STK32B: variants seen among roughly 807,000 people sequenced by gnomAD.
The protein encoded by STK32B is serine/threonine-protein kinase 32B.
STK32B carries 43 observed loss-of-function variants against 52.6 expected under a neutral mutation model. The ratio of observed to expected loss-of-function variants is 0.82; its 90% CI spans 0.64 to 1.05. The LOEUF (loss-of-function observed/expected upper bound fraction) is 1.05. Ranked by LOEUF, STK32B falls within the 50% of genes least tolerant of loss-of-function variation. STK32B has a pLI of 0.00. For missense variants in STK32B, 621 were observed against 534.6 expected (o/e 1.16, Z -1.59); for synonymous variants, 238 against 204.3 (o/e 1.17, Z -1.41).
chr4:5,271,246 T>A (rs1008638040), intron 3 of STK32B, among the ~76,000 whole-genome samples: 2 of 152,184 alleles, frequency 1.3e-5, no homozygotes, highest in African/African-American at 2.4e-5. Flanking sequence ...CTGAGTTTTT[T>A]AAGTATCTTT....
At chr4:5,498,836 AG>A in intron 11 of STK32B, 108 bp from the exon 12 acceptor site, 1 of 1,408,038 alleles carries the variant, frequency 7.1e-7, no homozygotes. Context: ...AGGTAGGGGA[AG>A]GTTTGAGCTG....
intron 1 of STK32B, among the ~76,000 whole-genome samples, chr4:5,068,872 C>G (rs373000043): frequency 6.6e-6 from 1 of 152,062 alleles, no homozygotes; most frequent in African/African-American, 2.4e-5. Context: ...TTTTCATTAA[C>G]GTATTCATTA....
chr4:5,147,847 T>G (rs1424420024), intron 2 of STK32B, among the ~76,000 whole-genome samples: 1 of 151,992 alleles, frequency 6.6e-6, no homozygotes, highest in Admixed American at 6.5e-5. Flanking sequence ...TACATCACAT[T>G]CATAAGGAAT....
At chr4:5,242,863 G>A (rs1035956711) in intron 3 of STK32B, among the ~76,000 whole-genome samples, 1 of 152,128 alleles carries the variant, frequency 6.6e-6, no homozygotes, top group Non-Finnish European at 1.5e-5. Flanking sequence ...GTTTTTCTCA[G>A]GTTTGTCAAA....
chr4:5,311,550 A>C (rs182511560), intron 3 of STK32B, among the ~76,000 whole-genome samples: 4 of 152,258 alleles, frequency 2.6e-5, no homozygotes, highest in Admixed American at 1.3e-4. Context: ...AAGACTGACA[A>C]ACATAAAATG....
chr4:5,140,065 T>G, intron 2 of STK32B, 105 bp downstream of exon 2: 1 of 1,513,598 alleles, frequency 6.6e-7, no homozygotes, highest in Non-Finnish European at 9.2e-7. Flanking sequence ...GACAGTAAGA[T>G]TTCGACTTGA....
chr4:5,227,067 A>G (rs547877822), intron 3 of STK32B, among the ~76,000 whole-genome samples: 11 of 152,334 alleles, frequency 7.2e-5, no homozygotes, highest in African/African-American at 1.7e-4. Flanking sequence ...TTCAATTGCA[A>G]TGTCATGTTT....
At chr4:5,189,121 T>A (rs546835180) in intron 3 of STK32B, among the ~76,000 whole-genome samples, 1 of 152,082 alleles carries the variant, frequency 6.6e-6, no homozygotes, top group South Asian at 2.1e-4. Flanking sequence ...ACCACAGTGG[T>A]ATAATTTTTA....
At chr4:5,204,790 A>G (rs16836832) in intron 3 of STK32B, among the ~76,000 whole-genome samples, 8,985 of 152,164 alleles carry the variant, frequency 0.059, 651 homozygotes, top group African/African-American at 0.17. Flanking sequence ...TAAGCAAAAT[A>G]TAGTCTCAGC....
intron 3 of STK32B, among the ~76,000 whole-genome samples, chr4:5,321,240 CAT>C (rs1357841284): frequency 6.6e-6 from 1 of 151,974 alleles, no homozygotes; most frequent in African/African-American, 2.4e-5. Flanking sequence ...AAAGAGCTCA[CAT>C]AGAGCAAGGA....
the STK32B span, among the ~76,000 whole-genome samples, chr4:5,036,659 ATTTTTTTTT>A: frequency 0.023 from 1,708 of 74,292 alleles, 35 homozygotes; most frequent in Admixed American, 0.042. Context: ...GCAAGGGTGG[ATTTTTTTTT>A]TTTTTTTTTT....
intron 1 of STK32B, among the ~76,000 whole-genome samples, chr4:5,069,855 T>A (rs545684671): frequency 6.6e-6 from 1 of 152,310 alleles, no homozygotes; most frequent in South Asian, 2.1e-4. Flanking sequence ...CTATGTTACC[T>A]TGGGCCAACT....
At chr4:5,493,597 T>C (rs1719938623) in intron 11 of STK32B, among the ~76,000 whole-genome samples, 2 of 152,220 alleles carry the variant, frequency 1.3e-5, no homozygotes, top group South Asian at 4.1e-4. Context: ...GCTCTGATTT[T>C]AGTTATTTCT....
intron 3 of STK32B, among the ~76,000 whole-genome samples, chr4:5,246,474 C>T (rs1352108971): frequency 6.6e-6 from 1 of 152,172 alleles, no homozygotes; most frequent in African/African-American, 2.4e-5. Flanking sequence ...ATCCATTTGT[C>T]TAACTTTTTT....
chr4:5,241,669 G>A (rs906226599), intron 3 of STK32B, among the ~76,000 whole-genome samples: 5 of 151,922 alleles, frequency 3.3e-5, no homozygotes, highest in African/African-American at 9.7e-5. Flanking sequence ...TTGGTGTGCT[G>A]CACCCATTAA....
intron 3 of STK32B, among the ~76,000 whole-genome samples, chr4:5,315,660 A>G (rs1730622613): frequency 6.6e-6 from 1 of 150,386 alleles, no homozygotes. Context: ...GCAATTCTTG[A>G]GTATTTTTTC....
At chr4:5,301,162 T>A (rs778114464) in intron 3 of STK32B, among the ~76,000 whole-genome samples, 1 of 152,130 alleles carries the variant, frequency 6.6e-6, no homozygotes, top group Non-Finnish European at 1.5e-5. Context: ...CTTGTATATG[T>A]TGCTGGATTC....
chr4:5,414,875 C>T (rs1712023832), intron 5 of STK32B, among the ~76,000 whole-genome samples: 1 of 152,164 alleles, frequency 6.6e-6, no homozygotes, highest in South Asian at 2.1e-4. Flanking sequence ...GCATCACTTT[C>T]ATAATGAAAA....
At chr4:5,189,774 G>A (rs1721035801) in intron 3 of STK32B, among the ~76,000 whole-genome samples, 1 of 152,108 alleles carries the variant, frequency 6.6e-6, no homozygotes, top group Non-Finnish European at 1.5e-5. Context: ...ATTCCCACCA[G>A]GGAGGAATGA....
Sources: allele counts gnomAD v4.1 joint callset (sites outside exome capture counted in the v4.1 genomes callset), GRCh38; gene constraint gnomAD v4.1.1; transcripts MANE v1.5; gene names NCBI Gene and HGNC (gene_info 2026-07-23, HGNC 2026-07-21).